CECR2: variants seen among roughly 807,000 people sequenced by gnomAD.
CECR2 encodes the protein chromatin remodeling regulator CECR2.
CECR2 carries 30 observed loss-of-function variants against 154.5 expected under a neutral mutation model. That is an observed-to-expected ratio of 0.19 (90% CI 0.15 to 0.26). The LOEUF (loss-of-function observed/expected upper bound fraction) is 0.26, where lower values mean the gene tolerates loss of function less well. Among genes scored for constraint, CECR2 ranks in the 10% least tolerant of loss-of-function variants. The pLI, the probability that CECR2 is intolerant of heterozygous loss-of-function variation, is 1.00. For synonymous variants in CECR2, 725 were observed against 683.7 expected, an observed-to-expected ratio of 1.06 and a Z score of -0.94; for missense variants, 1,743 against 1,829.3, an observed-to-expected ratio of 0.95 and a Z score of 0.86.
chr22:17,534,951 C>G (rs1157370985), intron 9 of CECR2, among the ~76,000 whole-genome samples: 1 of 150,756 alleles, frequency 6.6e-6, no homozygotes, highest in African/African-American at 2.4e-5. Flanking sequence ...GAGATCAAGA[C>G]CATCCTGGCT....
chr22:17,500,802 T>C, intron 5 of CECR2, 67 bp downstream of exon 5: 1 of 1,154,710 alleles, frequency 8.7e-7, no homozygotes, highest in Non-Finnish European at 1.2e-6. Flanking sequence ...TTTATTCCTT[T>C]TTCTTTATTT....
chr22:17,482,435 C>T (rs1288397311), intron 2 of CECR2, among the ~76,000 whole-genome samples: 1 of 152,142 alleles, frequency 6.6e-6, no homozygotes, highest in Non-Finnish European at 1.5e-5. Context: ...CATATACCGT[C>T]ATGTACACTA....
intron 1 of CECR2, among the ~76,000 whole-genome samples, chr22:17,447,033 C>CTGTTTTTCTTTTT (rs1339121774): frequency 2.6e-5 from 3 of 114,110 alleles, no homozygotes; most frequent in African/African-American, 1.1e-4. Context: ...CGTTTACAAT[C>CTGTTTTTCTTTTT]TTTTTTTTTT....
In CECR2 at chr22:17,542,785, A is replaced by G. The variant is rs1233586469; in HGVS notation, c.2642A>G (p.Asp881Gly). The change falls in exon 16 of 19, where the codon GAC becomes GGC. Residue 881 changes from aspartate (D) to glycine (G), a missense_variant. Transcript: ENST00000262608. Reference sequence around the variant, plus strand: ...GTGCAGGGAGGGGACTCCATGATGGACAGCCCAGAGATGATTGCGATGCAG... The same window carrying G: ...GTGCAGGGAGGGGACTCCATGATGGGCAGCCCAGAGATGATTGCGATGCAG... Reference protein sequence around the residue: ...RGVQGGDSMMDSPEMIAMQQL... With the variant: ...RGVQGGDSMMGSPEMIAMQQL... 5 of 1,613,834 alleles carry G rather than the reference A, an allele frequency of 3.1e-6. No homozygotes were observed. Among genetic ancestry groups the G allele is most frequent in the Admixed American group, 1.7e-5 (1 of 59,996 alleles).
At chr22:17,467,456 T>G (rs2522289) in intron 1 of CECR2, among the ~76,000 whole-genome samples, 39,856 of 152,018 alleles carry the variant, frequency 0.26, 5,918 homozygotes, top group East Asian at 0.42. Context: ...AGCAGATTCC[T>G]CAATCTGGCT....
intron 8 of CECR2, among the ~76,000 whole-genome samples, chr22:17,514,145 G>T (rs1257013482): frequency 6.6e-6 from 1 of 152,214 alleles, no homozygotes; most frequent in African/African-American, 2.4e-5. Context: ...ACTTTGAGTT[G>T]TGACTTCTTG....
Position 17,552,852 on chromosome 22 carries a change from A to T in CECR2, c.*12A>T, listed in dbSNP as rs201726170. The T allele has an allele frequency of 1.1e-3, 1,687 of 1,540,336 alleles. 1 individual carries two copies. The highest frequency in any genetic ancestry group is 1.4e-3 in the Non-Finnish European group (1,605 of 1,142,070). ...TCTTTCAGAGCTAGTCCAAGGAGGA[A>T]ATGAGCCCCAAGCAATGGAAAGCTG... is the stretch of plus-strand genomic sequence containing the variant. On this transcript the variant is annotated 3_prime_UTR_variant, in exon 19 of 19. Transcript: ENST00000262608.
chr22:17,488,690 A>G (rs1300483394), intron 2 of CECR2, among the ~76,000 whole-genome samples: 1 of 152,106 alleles, frequency 6.6e-6, no homozygotes, highest in Non-Finnish European at 1.5e-5. Flanking sequence ...AATATATCAC[A>G]ATTTATTGAA....
chr22:17,368,458 A>G (rs2063015693), upstream of CECR2, among the ~76,000 whole-genome samples: 1 of 152,130 alleles, frequency 6.6e-6, no homozygotes, highest in African/African-American at 2.4e-5. Flanking sequence ...CTGAGCATTC[A>G]ATGGAGTTTT....
chr22:17,386,655 C>CT (rs199708695), intron 1 of CECR2, among the ~76,000 whole-genome samples: 4,780 of 139,808 alleles, frequency 0.034, 141 homozygotes, highest in African/African-American at 0.081. Context: ...AGAAATGTGC[C>CT]TTTTTTTTTT....
At chr22:17,417,812 G>T (rs947973272) in intron 1 of CECR2, among the ~76,000 whole-genome samples, 4 of 151,922 alleles carry the variant, frequency 2.6e-5, no homozygotes, top group African/African-American at 9.7e-5. Context: ...GTAGAGACAG[G>T]ATTTCACCAT....
intron 8 of CECR2, among the ~76,000 whole-genome samples, chr22:17,521,537 A>AAG (rs898449013): frequency 2.7e-5 from 4 of 150,722 alleles, no homozygotes; most frequent in Admixed American, 2.6e-4. Flanking sequence ...AAAAAAAAAA[A>AAG]AGAGAGAGAG....
chr22:17,481,854 C>T (rs1000184177), intron 2 of CECR2, among the ~76,000 whole-genome samples: 10 of 151,978 alleles, frequency 6.6e-5, no homozygotes, highest in Admixed American at 5.9e-4. Context: ...TGGTGGCTCA[C>T]GCCTGTAATC....
Position 17,535,149 on chromosome 22 carries a change from T to TCAAAA in CECR2, c.1109-1943_1109-1939dup, listed in dbSNP as rs1372370453. On this transcript the variant is annotated intron_variant, in intron 9 of 18. Transcript: ENST00000262608. ...CTGAGCGACAGAGTGAGACTCCATC[T>TCAAAA]CAAAACAAAACAAAAAAAATTAGCC... Among the ~76,000 whole-genome samples the TCAAAA allele has an allele frequency of 2.0e-5, 3 of 150,516 alleles. No homozygotes were observed. In the East Asian group the frequency reaches 6.0e-4, roughly 30 times the overall value.
Position 17,542,377 on chromosome 22 carries a change from C to G in CECR2, c.2234C>G (p.Pro745Arg). 6.2e-7 allele frequency: 1 copy of G among 1,613,816 alleles called. No homozygotes were observed. Among genetic ancestry groups the G allele is most frequent in the Non-Finnish European group, 8.5e-7 (1 of 1,179,884 alleles). Reference sequence around the variant, plus strand: ...CGGCATGGGGGGGCTCCAGCCCGGCCACCAGACTTTCCTGAAAGCTCAGAA... The same window carrying G: ...CGGCATGGGGGGGCTCCAGCCCGGCGACCAGACTTTCCTGAAAGCTCAGAA... ...PPRHGGAPAR[P>R]PDFPESSEIP... is the part of the protein sequence containing the mutation. Residue 745 changes from proline to arginine, a missense_variant, in exon 16 of 19, where the codon CCA becomes CGA. This residue lies in a region of CECR2 where 1,250 missense variants were observed against 1,192.1 expected (regional missense o/e 1.05). Transcript: ENST00000262608.
chr22:17,372,301 G>C (rs549908474), intron 1 of CECR2, among the ~76,000 whole-genome samples: 49 of 152,158 alleles, frequency 3.2e-4, no homozygotes, highest in African/African-American at 1.1e-3. Flanking sequence ...TTTAACTTAC[G>C]CTTTTTAGTA....
Position 17,549,093 on chromosome 22 carries a change from TC to T in CECR2, c.3809del (p.Pro1270GlnfsTer28). The T allele has an allele frequency of 6.2e-7, 1 of 1,613,878 alleles. No homozygotes were observed. The highest frequency in any genetic ancestry group is 8.5e-7 in the Non-Finnish European group (1 of 1,179,874). ...CGTATGGATGCAGTGGCTGCTAAAG[TC>T]CCAAATGACGGGCAGAATCCTGGTC... is the stretch of plus-strand genomic sequence containing the variant. ...PTRMDAVAAK[V>X]PNDGQNPGPE... is the part of the protein sequence containing the mutation. On this transcript the variant is annotated frameshift_variant, in exon 17 of 19. Transcript: ENST00000262608. LOFTEE classifies it high-confidence loss of function.
At chr22:17,491,953 G>C (rs1041161655) in intron 2 of CECR2, among the ~76,000 whole-genome samples, 1 of 152,100 alleles carries the variant, frequency 6.6e-6, no homozygotes, top group Middle Eastern at 3.2e-3. Flanking sequence ...TAGTATGTGG[G>C]ATATAGTAGC....
intron 2 of CECR2, among the ~76,000 whole-genome samples, chr22:17,480,135 AT>A (rs1285901746): frequency 1.3e-5 from 2 of 151,316 alleles, no homozygotes; most frequent in Non-Finnish European, 2.9e-5. Flanking sequence ...ATTGGCCTTG[AT>A]TTTTTTCTTG....
Sources: gnomAD v4.1 joint callset for allele counts (sites outside exome capture counted in the v4.1 genomes callset) on GRCh38, gnomAD v4.1.1 for gene constraint, gnomAD v4.1.1 regional missense constraint, MANE v1.5 for transcripts, NCBI Gene and HGNC (gene_info 2026-07-23, HGNC 2026-07-21) for gene names.